Variants in CPLANE1 observed in about 807,000 individuals in gnomAD.
CPLANE1 encodes ciliogenesis and planar polarity effector complex subunit 1.
A neutral mutation model predicts 362.5 loss-of-function variants in CPLANE1; 263 were observed. That is an observed-to-expected ratio of 0.73 (90% CI 0.66 to 0.80). The LOEUF (loss-of-function observed/expected upper bound fraction) is 0.80. CPLANE1 is among the 30% of genes least tolerant of loss of function. The pLI is 0.00. For synonymous variants in CPLANE1, 1,212 were observed against 1,302.6 expected (o/e 0.93, Z 1.50); for missense variants, 3,461 against 3,793.4 (o/e 0.91, Z 2.30).
At chr5:37,095,311 A>G in the CPLANE1 span, among the ~76,000 whole-genome samples, 1 of 152,210 alleles carries the variant, frequency 6.6e-6, no homozygotes, top group Non-Finnish European at 1.5e-5. Context: ...TACACCACAT[A>G]TACAGAATTA....
At chr5:37,245,024 C>T (rs868149502) in intron 4 of CPLANE1, among the ~76,000 whole-genome samples, 3 of 151,678 alleles carry the variant, frequency 2.0e-5, no homozygotes, top group Admixed American at 6.6e-5. Flanking sequence ...TGGTGGCTGG[C>T]GCCTGTAGTC....
intron 32 of CPLANE1, among the ~76,000 whole-genome samples, chr5:37,171,203 G>A (rs950617548): frequency 1.3e-5 from 2 of 152,184 alleles, no homozygotes; most frequent in African/African-American, 4.8e-5. Context: ...AAGATGACCA[G>A]GTTATTTAAA....
intron 51 of CPLANE1, among the ~76,000 whole-genome samples, chr5:37,110,352 C>T (rs1261779406): frequency 6.6e-6 from 1 of 152,184 alleles, no homozygotes; most frequent in Non-Finnish European, 1.5e-5. Flanking sequence ...AACAATCTTA[C>T]CAGAACTTTG....
At chr5:37,202,786 G>A (rs954802143) in intron 18 of CPLANE1, among the ~76,000 whole-genome samples, 15 of 152,174 alleles carry the variant, frequency 9.9e-5, no homozygotes, top group Admixed American at 3.9e-4. Context: ...AACTTAGGTA[G>A]CCACTATCCA....
At chr5:37,104,379 C>T (rs1053603840), downstream of CPLANE1, among the ~76,000 whole-genome samples, 1 of 151,984 alleles carries the variant, frequency 6.6e-6, no homozygotes, top group South Asian at 2.1e-4. Flanking sequence ...GGGCAGATCA[C>T]CTGAGGTCAG....
intron 41 of CPLANE1, 67 bp downstream of exon 41, chr5:37,157,236 ATTACCAAATT>A: frequency 2.4e-6 from 2 of 842,330 alleles, no homozygotes; most frequent in Non-Finnish European, 3.5e-6. Context: ...TTCTTTTGCA[ATTACCAAATT>A]TTGGTGCTTG....
At chr5:37,211,206 G>A (rs1792498357) in intron 16 of CPLANE1, 1 of 1,432,804 alleles carries the variant, frequency 7.0e-7, no homozygotes, top group Non-Finnish European at 9.8e-7. Context: ...TCCAAATGCA[G>A]GGATGGAGGG....
At chr5:37,167,762 G>A (rs1242515282) in intron 34 of CPLANE1, among the ~76,000 whole-genome samples, 1 of 152,160 alleles carries the variant, frequency 6.6e-6, no homozygotes. Context: ...TGGTGACAGG[G>A]CAAGGCTCCG....
In CPLANE1 at chr5:37,157,745, G is replaced by T. The variant is rs1775549315; in HGVS notation, c.7936C>A (p.Pro2646Thr). The T allele has an allele frequency of 6.2e-7, 1 of 1,613,802 alleles. No individual in the cohort carries two copies. Among genetic ancestry groups the T allele is most frequent in the Non-Finnish European group, 8.5e-7 (1 of 1,179,842 alleles). ...IKQQSDHLAVPSSAELHYMAA... is the reference protein window; with the variant it reads ...IKQQSDHLAVTSSAELHYMAA... The stretch of plus-strand genomic sequence containing the variant: ...ATATAATGTAACTCTGCAGACGATG[G>T]AACTGCTAGATGATCGCTTTGCTGT... The change falls in exon 40 of 53, where the codon CCA (proline) becomes ACA (threonine). Residue 2646 changes from proline to threonine, a missense_variant. Physicochemically the swap from Pro to Thr is conservative, Grantham distance 38 (BLOSUM62 -1). Around this residue, in one of 2 missense-constraint regions of CPLANE1, gnomAD observed 3,380 missense variants for 3,666.1 expected, o/e 0.92. Coordinates refer to ENST00000651892, the MANE Select transcript of CPLANE1 (RefSeq NM_001384732.1).
At chr5:37,157,480 A>G in intron 40 of CPLANE1, 60 bp from the exon 41 acceptor site, 1 of 1,296,350 alleles carries the variant, frequency 7.7e-7, no homozygotes, top group Non-Finnish European at 1.1e-6. Context: ...GACTATGAAA[A>G]GCATTCAAAG....
At position 37,121,780 on chromosome 5, in the gene CPLANE1, G is replaced by A; in HGVS notation, c.9022C>T (p.Leu3008=). The A allele has an allele frequency of 6.2e-7, 1 of 1,612,412 alleles. No homozygotes were observed. Residue 3008 remains leucine, a synonymous_variant, in exon 49 of 53, where the codon CTG becomes TTG. Transcript: ENST00000651892. ...CGACGACTATAGTGTTCAGAGAGCA[G>A]CAATCTGTAGACAAAGAATTAAGCA... The part of the protein sequence containing the change: ...QKMKHEKDRL[L]LSEHYSRRIS...
intron 16 of CPLANE1, chr5:37,210,106 A>G (rs1792171962): frequency 1.2e-6 from 1 of 856,342 alleles, no homozygotes; most frequent in East Asian, 2.4e-5. Context: ...TTCCAGAATG[A>G]TTTTGAGAAA....
intron 35 of CPLANE1, among the ~76,000 whole-genome samples, chr5:37,166,222 T>C (rs1485010567): frequency 6.6e-6 from 1 of 152,226 alleles, no homozygotes; most frequent in Non-Finnish European, 1.5e-5. Context: ...TACCAATCAA[T>C]ATATGCGGTA....
At chr5:37,175,750 C>A (rs893200144) in intron 31 of CPLANE1, among the ~76,000 whole-genome samples, 159 bp downstream of exon 31, 1 of 152,010 alleles carries the variant, frequency 6.6e-6, no homozygotes, top group Non-Finnish European at 1.5e-5. Flanking sequence ...GATCTGTGTG[C>A]TTATGCTGCT....
chr5:37,144,711 C>T (rs143749914), intron 43 of CPLANE1, among the ~76,000 whole-genome samples: 48 of 151,664 alleles, frequency 3.2e-4, no homozygotes, highest in African/African-American at 9.9e-4. Flanking sequence ...ATTAGCCGGG[C>T]GCGGTGGCGG....
intron 44 of CPLANE1, chr5:37,139,615 G>C (rs186496494): frequency 4.5e-6 from 3 of 663,574 alleles, no homozygotes; most frequent in Non-Finnish European, 5.9e-6. Context: ...GCAGCGACAT[G>C]GTCATGGCAT....
In CPLANE1 at chr5:37,244,408, T is replaced by C; in HGVS notation, c.537A>G (p.Glu179=). 1 of 1,550,828 alleles carries C rather than the reference T, an allele frequency of 6.4e-7. No individual in the cohort carries two copies. The highest frequency in any genetic ancestry group is 8.7e-7 in the Non-Finnish European group (1 of 1,146,826). The change falls in exon 5 of 53, where the codon GAA becomes GAG. Residue 179 remains glutamate, a synonymous_variant. Transcript: ENST00000651892. ...TTATAAAAACAGCATTCACTACAGCTTCTTTATCTTCGGTGGAAGGCAAGA... is the reference window on the plus strand; with the variant it reads ...TTATAAAAACAGCATTCACTACAGCCTCTTTATCTTCGGTGGAAGGCAAGA... The part of the protein sequence containing the change: ...AVLLPSTEDK[E]AVVNAVFIKN...
chr5:37,116,317 T>C (rs1457476987), intron 50 of CPLANE1, among the ~76,000 whole-genome samples: 1 of 151,806 alleles, frequency 6.6e-6, no homozygotes. Flanking sequence ...AAACCCTGTC[T>C]CTACTAAAAA....
Position 37,226,851 on chromosome 5 carries a change from T to G in CPLANE1, c.1744A>C (p.Ile582Leu). 3.2e-6 allele frequency: 5 copies of G among 1,551,254 alleles called. No homozygotes were observed. Among genetic ancestry groups the G allele is most frequent in the Non-Finnish European group, 4.4e-6 (5 of 1,146,820 alleles). ...IQKSLLAAWT[I>L]GISKTVTEKN... is the part of the protein sequence containing the mutation. ...TCTGTCACAGTTTTTGAAATTCCTA[T>G]AGTCCACGCTGCAAGTAGACTTTTC... Residue 582 changes from isoleucine to leucine, a missense_variant, in exon 12 of 53, where the codon ATA (isoleucine) becomes CTA (leucine). Ile to Leu is a conservative substitution (Grantham distance 5). Transcript: ENST00000651892.
Sources: gnomAD v4.1 joint callset for allele counts (sites outside exome capture counted in the v4.1 genomes callset) on GRCh38, gnomAD v4.1.1 for gene constraint, gnomAD v4.1.1 regional missense constraint, MANE v1.5 for transcripts, NCBI Gene and HGNC (gene_info 2026-07-23, HGNC 2026-07-21) for gene names.